TDRD1: variants seen among roughly 807,000 people sequenced by gnomAD.
TDRD1 encodes tudor domain containing 1.
TDRD1 carries 37 observed loss-of-function variants against 140.6 expected under a neutral mutation model. That is an observed-to-expected ratio of 0.26 (90% CI 0.20 to 0.35). The LOEUF is 0.35. Ranked by LOEUF, TDRD1 falls within the 10% of genes least tolerant of loss-of-function variation. TDRD1 has a pLI of 1.00. For synonymous variants in TDRD1, 506 were observed against 475.7 expected (o/e 1.06, Z -0.83); for missense variants, 1,243 against 1,393.0 (o/e 0.89, Z 1.71).
chr10:114,224,633 A>G (rs2036332044), intron 21 of TDRD1, among the ~76,000 whole-genome samples: 1 of 151,996 alleles, frequency 6.6e-6, no homozygotes, highest in African/African-American at 2.4e-5. Flanking sequence ...AACTTTTTAA[A>G]TTTAGGTTTT....
intron 3 of TDRD1, among the ~76,000 whole-genome samples, chr10:114,194,686 G>T (rs1282170379): frequency 1.4e-5 from 2 of 148,082 alleles, no homozygotes; most frequent in Middle Eastern, 3.2e-3. Context: ...TATCTCTTCT[G>T]CTGCTTTTGG....
In TDRD1 at chr10:114,203,988, C is replaced by A. The variant is rs1278042171; in HGVS notation, c.982-85C>A. 5.4e-6 allele frequency: 8 copies of A among 1,494,240 alleles called. No individual in the cohort carries two copies. The African/African-American group carries it at 1.0e-4, about 19-fold the overall frequency. The allele number at this position is 1,494,240 out of a possible 1,614,324, so 92.6% of individuals were successfully genotyped here. On this transcript the variant is annotated intron_variant, in intron 8 of 25. Transcript: ENST00000251864. ...TCAGAACAGGAGCCTTTCCTTTGCA[C>A]GTTCTATAGATTGATTGAGGGTTTT... is the stretch of plus-strand genomic sequence containing the variant.
chr10:114,229,088 A>G, intron 25 of TDRD1, among the ~76,000 whole-genome samples: 1 of 9,854 alleles, frequency 1.0e-4, no homozygotes, highest in South Asian at 6.3e-3. Context: ...CTCAAAAACA[A>G]AACAAAACAA....
At position 114,217,531 on chromosome 10, in the gene TDRD1, A is replaced by G. The variant is rs752569484; in HGVS notation, c.2213-14A>G. 4 of 1,342,682 alleles carry G rather than the reference A, an allele frequency of 3.0e-6. No individual in the cohort carries two copies. Among genetic ancestry groups the G allele is most frequent in the African/African-American group, 1.5e-5 (1 of 67,360 alleles). 83.2% of individuals were successfully genotyped at this position (1,342,682 alleles called of 1,614,324 possible). A position where few individuals can be genotyped will look rare whatever the true frequency, so the allele number is the denominator to read the frequency against. On this transcript the variant is annotated splice_polypyrimidine_tract_variant and intron_variant, in intron 16 of 25. Coordinates refer to ENST00000251864, the Ensembl canonical transcript of TDRD1. ...AATATGTTCTTAATTTTTTAATCCT[A>G]TGTGTATTTTCAGCTTTAAAGAAAC...
chr10:114,197,892 GAC>G (rs1242084951), intron 3 of TDRD1, among the ~76,000 whole-genome samples: 1 of 152,116 alleles, frequency 6.6e-6, no homozygotes, highest in Non-Finnish European at 1.5e-5. Flanking sequence ...ATGACCTCAA[GAC>G]GTCTGCCCAC....
chr10:114,218,872 G>A (rs1262357550), intron 18 of TDRD1, among the ~76,000 whole-genome samples: 1 of 152,156 alleles, frequency 6.6e-6, no homozygotes, highest in Admixed American at 6.5e-5. Context: ...TAGTAATTTT[G>A]CTCCTAGTAA....
At position 114,217,462 on chromosome 10, in the gene TDRD1, C is replaced by T. The variant is rs2035882542; in HGVS notation, c.2213-83C>T. ...AGGTACCTGTCTTGATCATAAAAAT[C>T]ACGTTTTCTGACTTTAAAGGAAAAT... On this transcript the variant is annotated intron_variant, in intron 16 of 25. Transcript: ENST00000251864. The T allele has an allele frequency of 1.6e-5, 11 of 692,454 alleles. No homozygotes were observed. The South Asian group carries it at 2.2e-4, about 14-fold the overall frequency. The allele number at this position is 692,454 out of a possible 1,614,324, so 42.9% of individuals were successfully genotyped here. A position where few individuals can be genotyped will look rare whatever the true frequency, so the allele number is the denominator to read the frequency against.
At chr10:114,206,919 T>G (rs1218319401) in intron 11 of TDRD1, among the ~76,000 whole-genome samples, 1 of 151,276 alleles carries the variant, frequency 6.6e-6, no homozygotes, top group Non-Finnish European at 1.5e-5. Flanking sequence ...CCCTGCCAAG[T>G]TAGGGCTTTT....
At chr10:114,222,772 T>A in intron 21 of TDRD1, 69 bp downstream of exon 21, 1 of 863,770 alleles carries the variant, frequency 1.2e-6, no homozygotes, top group Non-Finnish European at 1.9e-6. Context: ...TGATACTATG[T>A]AGATTTTGGT....
intron 4 of TDRD1, among the ~76,000 whole-genome samples, chr10:114,199,844 C>A (rs2034612295): frequency 6.6e-6 from 1 of 152,170 alleles, no homozygotes; most frequent in Admixed American, 6.5e-5. Context: ...ATACCATAGT[C>A]AAACTGTTCT....
intron 5 of TDRD1, 47 bp from the exon 6 acceptor site, chr10:114,202,191 T>C: frequency 6.8e-7 from 1 of 1,472,404 alleles, no homozygotes; most frequent in Non-Finnish European, 9.3e-7. Flanking sequence ...GCCCCTATGT[T>C]AATTGCCTCT....
rs1019406093 is a variant in TDRD1, at chr10:114,201,628, C to G, written c.635+113C>G. ...CAAGTAGAAGTTACTTTTTCTTAAG[C>G]TCTATAACAAAGTGTACAAATCTGA... is the stretch of plus-strand genomic sequence containing the variant. On this transcript the variant is annotated intron_variant, in intron 5 of 25. Transcript: ENST00000251864. The G allele has an allele frequency of 3.9e-6, 3 of 772,004 alleles. No individual in the cohort carries two copies. The Admixed American group carries it at 8.1e-5, about 21-fold the overall frequency. The allele number at this position is 772,004 out of a possible 1,614,324, so 47.8% of individuals were successfully genotyped here. A position where few individuals can be genotyped will look rare whatever the true frequency, so the allele number is the denominator to read the frequency against.
At chr10:114,218,965 A>G (rs1186891603) in intron 18 of TDRD1, among the ~76,000 whole-genome samples, 1 of 152,210 alleles carries the variant, frequency 6.6e-6, no homozygotes, top group Non-Finnish European at 1.5e-5. Flanking sequence ...GCAAAATAAC[A>G]TAAATAGTCA....
At chr10:114,195,678 A>T (rs952318287) in intron 3 of TDRD1, among the ~76,000 whole-genome samples, 1 of 152,146 alleles carries the variant, frequency 6.6e-6, no homozygotes, top group Admixed American at 6.6e-5. Flanking sequence ...CTATATTGTT[A>T]TATGTAAAAT....
exon 17 of TDRD1, chr10:114,217,560 A>G (rs1259905126): frequency 5.1e-6 from 8 of 1,579,010 alleles, no homozygotes; most frequent in Non-Finnish European, 6.9e-6. Context: ...AAGAAACTCA[A>G]TGATTTGAAC....
At chr10:114,212,394 A>G (rs1034564040) in intron 14 of TDRD1, among the ~76,000 whole-genome samples, 3 of 152,064 alleles carry the variant, frequency 2.0e-5, no homozygotes, top group Non-Finnish European at 4.4e-5. Context: ...CCTTCTTTTC[A>G]TGTTTGTGAT....
At position 114,192,292 on chromosome 10, in the gene TDRD1, C is replaced by CTTTTTTTTTTTTTT. The variant is rs938140798; in HGVS notation, c.384+1289_384+1302dup. 2.5e-4 allele frequency among the ~76,000 whole-genome samples: 19 copies of CTTTTTTTTTTTTTT among 75,110 alleles called. 2 individuals are homozygous for CTTTTTTTTTTTTTT. The highest frequency in any genetic ancestry group is 4.3e-4 in the Admixed American group (3 of 6,978). 49.3% of individuals were successfully genotyped at this position (75,110 alleles called of 152,430 possible). On this transcript the variant is annotated intron_variant, in intron 3 of 25. Transcript: ENST00000251864. ...TCCCCAAAAAAGTTTGATAGTTTTC[C>CTTTTTTTTTTTTTT]TTTTTTTTTTTTTTTTTTTTTTTTT...
chr10:114,178,680 C>T (rs1325972889), upstream of TDRD1, among the ~76,000 whole-genome samples: 1 of 152,212 alleles, frequency 6.6e-6, no homozygotes. Flanking sequence ...GAGGACTATG[C>T]TGGGGGCCAG....
At chr10:114,202,813 AC>A (rs2034846949) in intron 6 of TDRD1, among the ~76,000 whole-genome samples, 1 of 152,208 alleles carries the variant, frequency 6.6e-6, no homozygotes, top group Admixed American at 6.5e-5. Flanking sequence ...CTCCACCACC[AC>A]CATTTTCATT....
Sources: gnomAD v4.1 joint callset for allele counts (sites outside exome capture counted in the v4.1 genomes callset) on GRCh38, gnomAD v4.1.1 for gene constraint, MANE v1.5 for transcripts, NCBI Gene and HGNC (gene_info 2026-07-23, HGNC 2026-07-21) for gene names.